The following BUB1B variants were observed in gnomAD, a reference collection of about 807,000 sequenced individuals.
The protein encoded by BUB1B is mitotic checkpoint serine/threonine-protein kinase BUB1 beta.
BUB1B carries 86 observed loss-of-function variants against 137.7 expected under a neutral mutation model. That is an observed-to-expected ratio of 0.62 (90% CI 0.52 to 0.75). BUB1B has a LOEUF of 0.75. Among genes scored for constraint, BUB1B ranks in the 30% least tolerant of loss-of-function variants. The probability of loss-of-function intolerance (pLI) is 0.00; values close to 1 mark genes in which losing one functional copy is unlikely to be tolerated. For missense variants in BUB1B, 1,130 were observed against 1,236.9 expected, an observed-to-expected ratio of 0.91 and a Z score of 1.30; for synonymous variants, 420 against 417.9, an observed-to-expected ratio of 1.00 and a Z score of -0.06.
chr15:40,217,517 T>C lies in BUB1B; in HGVS notation c.2700T>C (p.Cys900=). 3.1e-6 allele frequency: 5 copies of C among 1,614,150 alleles called. No individual in the cohort carries two copies. Among genetic ancestry groups the C allele is most frequent in the Non-Finnish European group, 4.2e-6 (5 of 1,180,010 alleles). ...LRNRIHDPYD[C]NKNNQALKIV... Reference sequence around the variant, plus strand: ...TCAGAATCCACGATCCCTATGATTGTAACAAGAACAATCAAGCTTTGAAGA... The same window carrying C: ...TCAGAATCCACGATCCCTATGATTGCAACAAGAACAATCAAGCTTTGAAGA... Residue 900 remains cysteine, a synonymous_variant, in exon 21 of 23, where the codon TGT becomes TGC. Coordinates refer to ENST00000287598, the MANE Select transcript of BUB1B (RefSeq NM_001211.6).
At chr15:40,183,571 A>G (rs1463590332) in intron 5 of BUB1B, 143 bp from the exon 6 acceptor site, 2 of 774,384 alleles carry the variant, frequency 2.6e-6, no homozygotes, top group Non-Finnish European at 4.4e-6. Flanking sequence ...TTTACTTCTG[A>G]GAGAATAAAC....
intron 7 of BUB1B, 47 bp downstream of exon 7, chr15:40,185,426 A>G (rs1188376946): frequency 1.9e-6 from 3 of 1,601,908 alleles, no homozygotes; most frequent in Non-Finnish European, 2.6e-6. Context: ...CAAAGACTTC[A>G]CATTTAGGGT....
Position 40,220,780 on chromosome 15 carries a change from A to G in BUB1B, c.*21A>G, listed in dbSNP as rs757570886. The stretch of plus-strand genomic sequence containing the variant: ...AGTGAGCTAGGCAATCAAGTCTCAC[A>G]GATTGCTGCCTCAGAGCAATGGTTG... On this transcript the variant is annotated 3_prime_UTR_variant, in exon 23 of 23. Coordinates refer to ENST00000287598, the MANE Select transcript of BUB1B (RefSeq NM_001211.6). 2 of 1,607,244 alleles carry G rather than the reference A, an allele frequency of 1.2e-6. No individual in the cohort carries two copies. The highest frequency in any genetic ancestry group is 1.7e-6 in the Non-Finnish European group (2 of 1,173,700).
At chr15:40,191,162 A>AG (rs2037432833) in intron 8 of BUB1B, among the ~76,000 whole-genome samples, 3 of 152,180 alleles carry the variant, frequency 2.0e-5, no homozygotes, top group African/African-American at 4.8e-5. Flanking sequence ...TGCTGGGATT[A>AG]CAGGCATGAG....
intron 8 of BUB1B, among the ~76,000 whole-genome samples, chr15:40,194,256 A>C (rs573483349): frequency 6.6e-6 from 1 of 152,210 alleles, no homozygotes; most frequent in Non-Finnish European, 1.5e-5. Flanking sequence ...CTCGTTTGTT[A>C]TCTAAGACCA....
At chr15:40,206,492 T>C (rs767966966) in intron 15 of BUB1B, 34 bp downstream of exon 15, 16 of 1,612,972 alleles carry the variant, frequency 9.9e-6, no homozygotes, top group Non-Finnish European at 1.7e-6. Flanking sequence ...ACAAACCAGA[T>C]TGTTTACTCT....
At chr15:40,217,714 C>T in intron 21 of BUB1B, 47 bp downstream of exon 21, 3 of 1,602,402 alleles carry the variant, frequency 1.9e-6, no homozygotes, top group Non-Finnish European at 2.6e-6. Context: ...GTTTCTTAAT[C>T]TCTTTATTAT....
intron 13 of BUB1B, 38 bp from the exon 14 acceptor site, chr15:40,202,551 A>G (rs2037586142): frequency 1.2e-6 from 2 of 1,603,324 alleles, no homozygotes; most frequent in Non-Finnish European, 1.7e-6. Context: ...GGTTACTGTT[A>G]TGAAAAAAAT....
chr15:40,199,609 T>A lies in BUB1B; in HGVS notation c.1289-6T>A. 6.2e-7 allele frequency: 1 copy of A among 1,612,822 alleles called. No individual in the cohort carries two copies. The highest frequency in any genetic ancestry group is 8.5e-7 in the Non-Finnish European group (1 of 1,178,878). On this transcript the variant is annotated splice_region_variant and splice_polypyrimidine_tract_variant and intron_variant, in intron 9 of 22. Coordinates refer to ENST00000287598, the MANE Select transcript of BUB1B (RefSeq NM_001211.6). ...ATAATACCTCAAGCAACTTTACTGT[T>A]TCTAGCCGAGCTATTGACCAGTGCA...
intron 2 of BUB1B, among the ~76,000 whole-genome samples, chr15:40,165,418 G>A (rs975985467): frequency 2.0e-5 from 3 of 152,202 alleles, no homozygotes; most frequent in Non-Finnish European, 2.9e-5. Flanking sequence ...CTGTGGTGCA[G>A]CGAAACTCTT....
rs756555949 is a variant in BUB1B, at chr15:40,183,700, T to A, written c.582-14T>A. On this transcript the variant is annotated splice_polypyrimidine_tract_variant and intron_variant, in intron 5 of 22. Transcript: ENST00000287598. ...TGGTCACCTCACTAAAAGTTGTGCA[T>A]TCTGCTACTTTAGACAATTCCAAGC... The A allele has an allele frequency of 1.7e-5, 27 of 1,613,818 alleles. No homozygotes were observed. Among genetic ancestry groups the A allele is most frequent in the Non-Finnish European group, 1.9e-5 (23 of 1,179,818 alleles).
intron 1 of BUB1B, among the ~76,000 whole-genome samples, chr15:40,164,035 C>G (rs1245166404): frequency 6.6e-6 from 1 of 152,130 alleles, no homozygotes; most frequent in Non-Finnish European, 1.5e-5. Flanking sequence ...TTGCAGAATA[C>G]GTAATGGGAA....
intron 2 of BUB1B, among the ~76,000 whole-genome samples, chr15:40,166,829 A>G (rs1174590331): frequency 6.6e-6 from 1 of 152,140 alleles, no homozygotes; most frequent in Non-Finnish European, 1.5e-5. Flanking sequence ...CGTTTTAGCC[A>G]TTCTAGTTTT....
At chr15:40,209,971 C>T in intron 17 of BUB1B, 139 bp from the exon 18 acceptor site, 2 of 976,432 alleles carry the variant, frequency 2.0e-6, no homozygotes, top group Non-Finnish European at 1.6e-6. Context: ...CAATCTTTAA[C>T]AAATTATTTT....
Position 40,161,182 on chromosome 15 carries a change from G to A in BUB1B, c.-39G>A. ...CAGGCGGTCTGTGGCCCAGAGGAAA[G>A]GCCTGCAGCAGGACGAGGACCTGAG... On this transcript the variant is annotated 5_prime_UTR_variant, in exon 1 of 23. Coordinates refer to ENST00000287598, the MANE Select transcript of BUB1B (RefSeq NM_001211.6). The A allele has an allele frequency of 6.2e-7, 1 of 1,610,766 alleles. No homozygotes were observed. The highest frequency in any genetic ancestry group is 8.5e-7 in the Non-Finnish European group (1 of 1,178,452).
chr15:40,165,323 C>A, intron 2 of BUB1B, 127 bp downstream of exon 2: 2 of 1,224,120 alleles, frequency 1.6e-6, no homozygotes, highest in Non-Finnish European at 2.4e-6. Flanking sequence ...AGAATCTGTT[C>A]TCTACCTGCT....
intron 8 of BUB1B, among the ~76,000 whole-genome samples, chr15:40,186,629 T>C (rs1313478103): frequency 6.6e-6 from 1 of 150,386 alleles, no homozygotes; most frequent in Non-Finnish European, 1.5e-5. Context: ...TTTTTTTTAG[T>C]GGACACGGGG....
chr15:40,171,123 G>A (rs2037157144), intron 4 of BUB1B, among the ~76,000 whole-genome samples: 1 of 152,072 alleles, frequency 6.6e-6, no homozygotes, highest in African/African-American at 2.4e-5. Flanking sequence ...TTTTAATAGA[G>A]ATGACTTCTC....
intron 3 of BUB1B, among the ~76,000 whole-genome samples, 181 bp from the exon 4 acceptor site, chr15:40,170,356 C>T (rs1436297159): frequency 6.6e-6 from 1 of 152,066 alleles, no homozygotes; most frequent in Non-Finnish European, 1.5e-5. Flanking sequence ...CTCAGTTTTC[C>T]CCAGAAGCAT....
Sources: gnomAD v4.1 joint callset for allele counts (sites outside exome capture counted in the v4.1 genomes callset) on GRCh38, gnomAD v4.1.1 for gene constraint, MANE v1.5 for transcripts, NCBI Gene and HGNC (gene_info 2026-07-23, HGNC 2026-07-21) for gene names.